LIPI: variants seen among roughly 807,000 people sequenced by gnomAD.
LIPI encodes lipase member I.
LIPI carries 59 observed loss-of-function variants against 50.6 expected under a neutral mutation model. The observed-to-expected ratio is 1.16, with a 90% CI of 0.94 to 1.45. LIPI has a LOEUF of 1.45. Ranked by LOEUF, LIPI falls within the 40% of genes most tolerant of loss-of-function variation. The pLI is 0.00. For missense variants in LIPI, 586 were observed against 536.3 expected (o/e 1.09, Z -0.92); for synonymous variants, 203 against 178.2 (o/e 1.14, Z -1.11).
At chr21:14,110,711 G>A (rs1363679224) in intron 9 of LIPI, among the ~76,000 whole-genome samples, 1 of 151,582 alleles carries the variant, frequency 6.6e-6, no homozygotes, top group Non-Finnish European at 1.5e-5. Flanking sequence ...GATTCCACAT[G>A]TGAGTGAAAT....
rs780244519 is a variant in LIPI at position 14,186,082 on chromosome 21, A to C, written c.433-13T>G. On this transcript the variant is annotated splice_polypyrimidine_tract_variant and intron_variant, in intron 2 of 9. Coordinates refer to ENST00000681601, the MANE Select transcript of LIPI (RefSeq NM_001302998.2). ...ATGCACCATGCTTCTGCAATTAAAG[A>C]GAAAGGCAATATTACAGTATTCATT... The C allele has an allele frequency of 3.6e-6, 5 of 1,395,052 alleles. No homozygotes were observed. The highest frequency in any genetic ancestry group is 5.1e-6 in the Non-Finnish European group (5 of 980,608). The allele number at this position is 1,395,052 out of a possible 1,614,324, so 86.4% of individuals were successfully genotyped here.
intron 4 of LIPI, among the ~76,000 whole-genome samples, chr21:14,171,682 G>C (rs1339254654): frequency 6.6e-6 from 1 of 151,762 alleles, no homozygotes; most frequent in Admixed American, 6.6e-5. Flanking sequence ...GCTGAAACTG[G>C]ATCCCTTCCT....
chr21:14,143,552 A>T (rs1020250143), intron 9 of LIPI: 1 of 152,118 alleles, frequency 6.6e-6, no homozygotes, highest in African/African-American at 2.4e-5. Context: ...GATAATTAGG[A>T]AATAAATATA....
At chr21:14,175,953 C>A (rs1232655702) in intron 4 of LIPI, among the ~76,000 whole-genome samples, 3 of 152,030 alleles carry the variant, frequency 2.0e-5, no homozygotes, top group African/African-American at 4.8e-5. Flanking sequence ...CCGAGGCGGG[C>A]GGATCACAAG....
chr21:14,110,611 C>A lies in LIPI; in HGVS notation c.1296-1531G>T, dbSNP rs181430725. 2.5e-3 allele frequency among the ~76,000 whole-genome samples: 378 copies of A among 151,856 alleles called. 3 individuals carry two copies. The highest frequency in any genetic ancestry group is 3.0e-3 in the Non-Finnish European group (202 of 67,766). On this transcript the variant is annotated intron_variant, in intron 9 of 9. Coordinates refer to ENST00000681601, the MANE Select transcript of LIPI (RefSeq NM_001302998.2). The stretch of plus-strand genomic sequence containing the variant: ...CTAACTGTAATTTTCTATCCTTTGA[C>A]CAACATCTCCTTAACACCTTCCCCT...
intron 8 of LIPI, among the ~76,000 whole-genome samples, chr21:14,151,871 T>A (rs1275653159): frequency 6.6e-6 from 1 of 151,934 alleles, no homozygotes; most frequent in African/African-American, 2.4e-5. Context: ...CCCTCCCCTA[T>A]TGTTTGGGAG....
intron 1 of LIPI, among the ~76,000 whole-genome samples, chr21:14,191,294 G>A (rs966447076): frequency 6.7e-5 from 10 of 149,610 alleles, no homozygotes; most frequent in African/African-American, 2.2e-4. Flanking sequence ...GGAGAATGGC[G>A]GGAACCCGGG....
intron 7 of LIPI, among the ~76,000 whole-genome samples, chr21:14,154,683 A>G (rs1044835782): frequency 3.3e-5 from 5 of 152,090 alleles, no homozygotes; most frequent in African/African-American, 1.2e-4. Context: ...CTGATAAAAT[A>G]GTCTGTGAAG....
chr21:14,141,077 A>G (rs2017689330), intron 9 of LIPI, among the ~76,000 whole-genome samples: 1 of 152,148 alleles, frequency 6.6e-6, no homozygotes, highest in African/African-American at 2.4e-5. Flanking sequence ...ATGGGTCTAA[A>G]TGTTTGTTCT....
chr21:14,120,776 C>A lies in LIPI; in HGVS notation c.1296-11696G>T, dbSNP rs2016831631. Among the ~76,000 whole-genome samples the A allele has an allele frequency of 4.6e-5, 7 of 152,208 alleles. No individual in the cohort carries two copies. In the South Asian group the frequency reaches 1.5e-3, roughly 32 times the overall value. ...TTTCAGATGGGGAGGCGTGCCATTC[C>A]AGAAGCCATTGCCCCCCAATTTATA... is the stretch of plus-strand genomic sequence containing the variant. On this transcript the variant is annotated intron_variant, in intron 9 of 9. Transcript: ENST00000681601.
At chr21:14,172,051 G>A (rs995172230) in intron 4 of LIPI, among the ~76,000 whole-genome samples, 1 of 152,144 alleles carries the variant, frequency 6.6e-6, no homozygotes. Context: ...CAAAAAATGG[G>A]TGAAGGACAT....
At chr21:14,149,550 G>T (rs1327919685) in intron 8 of LIPI, among the ~76,000 whole-genome samples, 2 of 152,086 alleles carry the variant, frequency 1.3e-5, no homozygotes, top group African/African-American at 2.4e-5. Flanking sequence ...CAAGTCCAAA[G>T]TCTCATTTGA....
At chr21:14,199,421 A>C (rs1408026720) in intron 1 of LIPI, among the ~76,000 whole-genome samples, 1 of 151,784 alleles carries the variant, frequency 6.6e-6, no homozygotes, top group African/African-American at 2.4e-5. Flanking sequence ...TTACTACTTA[A>C]CCCACAGAAA....
chr21:14,131,342 C>T (rs1303725318), intron 9 of LIPI, among the ~76,000 whole-genome samples: 3 of 152,132 alleles, frequency 2.0e-5, no homozygotes, highest in African/African-American at 7.2e-5. Flanking sequence ...ACTCTGCCAC[C>T]ACTGGGGTCT....
In LIPI at chr21:14,209,952, T is replaced by G. The variant is rs1401352145; in HGVS notation, c.46+848A>C. Among the ~76,000 whole-genome samples the G allele has an allele frequency of 4.6e-5, 7 of 151,964 alleles. No individual in the cohort carries two copies. The South Asian group carries it at 1.4e-3, about 31-fold the overall frequency. The stretch of plus-strand genomic sequence containing the variant: ...ATCATTTAGTTTCTATATTTAAATA[T>G]AAAATTCAAACATTTCCAGAATTTA... On this transcript the variant is annotated intron_variant, in intron 1 of 9. Transcript: ENST00000681601.
intron 1 of LIPI, 38 bp downstream of exon 1, chr21:14,210,761 AT>A: frequency 1.1e-6 from 1 of 896,602 alleles, no homozygotes; most frequent in Non-Finnish European, 1.5e-6. Flanking sequence ...TTTATATGCA[AT>A]TTTTAAAGAT....
intron 9 of LIPI, among the ~76,000 whole-genome samples, chr21:14,113,092 C>G (rs1281662053): frequency 1.3e-5 from 2 of 152,106 alleles, no homozygotes; most frequent in Non-Finnish European, 2.9e-5. Context: ...AGGTTTAACC[C>G]CAGTAACATA....
chr21:14,161,091 G>A (rs1456427730), intron 7 of LIPI, among the ~76,000 whole-genome samples: 1 of 151,140 alleles, frequency 6.6e-6, no homozygotes, highest in Non-Finnish European at 1.5e-5. Flanking sequence ...TGTGCAATTA[G>A]TTTCTGTCCC....
chr21:14,133,050 T>A (rs139070379), intron 9 of LIPI, among the ~76,000 whole-genome samples: 1 of 152,226 alleles, frequency 6.6e-6, no homozygotes, highest in East Asian at 1.9e-4. Flanking sequence ...CAGGACCAGA[T>A]GGATTCACAA....
Sources: gnomAD v4.1 joint callset for allele counts (sites outside exome capture counted in the v4.1 genomes callset) on GRCh38, gnomAD v4.1.1 for gene constraint, MANE v1.5 for transcripts, NCBI Gene and HGNC (gene_info 2026-07-23, HGNC 2026-07-21) for gene names.